The following LGSN variants were observed in gnomAD, a reference collection of about 807,000 sequenced individuals.
The protein encoded by LGSN is lengsin.
Under a neutral mutation model 19.5 loss-of-function variants are expected in LGSN, and 21 were observed. The ratio of observed to expected loss-of-function variants is 1.07; its 90% CI spans 0.76 to 1.55. LGSN has a LOEUF of 1.55. LGSN is among the 40% of genes most tolerant of loss of function. LGSN has a pLI of 0.00. For synonymous variants in LGSN, 257 were observed against 215.6 expected (o/e 1.19, Z -1.68); for missense variants, 673 against 608.5 (o/e 1.11, Z -1.12).
At chr6:63,348,664 T>C in the LGSN span, among the ~76,000 whole-genome samples, 1 of 152,048 alleles carries the variant, frequency 6.6e-6, no homozygotes, top group African/African-American at 2.4e-5. Flanking sequence ...AATCTGTGTT[T>C]GGTAGGAGTC....
At chr6:63,380,408 A>G in the LGSN span, among the ~76,000 whole-genome samples, 1 of 152,238 alleles carries the variant, frequency 6.6e-6, no homozygotes, top group Non-Finnish European at 1.5e-5. Flanking sequence ...GACGCATATC[A>G]CAGGAAAGGA....
chr6:63,280,425 G>A lies in LGSN; in HGVS notation c.1126C>T (p.Leu376=), dbSNP rs753691249. 4.3e-6 allele frequency: 7 copies of A among 1,614,180 alleles called. No homozygotes were observed. In the Admixed American group the frequency reaches 1.2e-4, roughly 27 times the overall value. ...RKRYSKDRKD[L]KKSVPTTWGY... ...CATGTTGTAGGCACACTCTTCTTCA[G>A]GTCTTTCCTGTCCTTGGAATAACGC... The change falls in exon 4 of 4, where the codon CTG becomes TTG. Residue 376 remains leucine (L), a synonymous_variant. Transcript: ENST00000370657.
the LGSN span, among the ~76,000 whole-genome samples, chr6:63,325,704 C>T: frequency 1.8e-4 from 27 of 152,068 alleles, no homozygotes; most frequent in African/African-American, 6.3e-4. Flanking sequence ...GGAGTTTGTT[C>T]CTTCTGATGT....
the LGSN span, among the ~76,000 whole-genome samples, chr6:63,521,357 G>A: frequency 1.3e-5 from 2 of 152,182 alleles, no homozygotes; most frequent in Non-Finnish European, 2.9e-5. Context: ...TTGTTTAAAA[G>A]TCAGACAGAT....
chr6:63,351,407 CTGTG>C, the LGSN span, among the ~76,000 whole-genome samples: 1 of 148,842 alleles, frequency 6.7e-6, no homozygotes, highest in Admixed American at 6.7e-5. Flanking sequence ...CTGTGTGTGT[CTGTG>C]TGTGTGAGAG....
chr6:63,525,218 G>A, the LGSN span, among the ~76,000 whole-genome samples: 1 of 151,894 alleles, frequency 6.6e-6, no homozygotes, highest in Non-Finnish European at 1.5e-5. Context: ...GGTGAATTGT[G>A]TGTCTGCAGT....
chr6:63,373,524 C>A, the LGSN span, among the ~76,000 whole-genome samples: 2 of 152,024 alleles, frequency 1.3e-5, no homozygotes. Flanking sequence ...AATTAAGATA[C>A]GTTTACAAAA....
the LGSN span, among the ~76,000 whole-genome samples, chr6:63,482,846 G>A: frequency 2.3e-4 from 35 of 152,102 alleles, no homozygotes; most frequent in East Asian, 5.3e-3. Context: ...GACTATAGGC[G>A]CGCACCACCA....
chr6:63,510,153 C>T, the LGSN span, among the ~76,000 whole-genome samples: 1 of 152,188 alleles, frequency 6.6e-6, no homozygotes, highest in Non-Finnish European at 1.5e-5. Flanking sequence ...ATTCATTTAA[C>T]ATACTAAAAG....
At chr6:63,282,492 C>G (rs1767359827) in intron 3 of LGSN, among the ~76,000 whole-genome samples, 1 of 152,150 alleles carries the variant, frequency 6.6e-6, no homozygotes, top group African/African-American at 2.4e-5. Flanking sequence ...ATGGCTTCTT[C>G]TTGTGTATCC....
the LGSN span, among the ~76,000 whole-genome samples, chr6:63,439,742 C>T: frequency 1.3e-5 from 2 of 152,132 alleles, no homozygotes; most frequent in South Asian, 2.1e-4. Context: ...CTTTGGAATT[C>T]CCTCTGGTAG....
chr6:63,431,488 A>G, the LGSN span, among the ~76,000 whole-genome samples: 1 of 152,332 alleles, frequency 6.6e-6, no homozygotes, highest in East Asian at 1.9e-4. Context: ...AGCAGTTAAG[A>G]GCATGAGTTT....
chr6:63,469,380 A>C, the LGSN span, among the ~76,000 whole-genome samples: 1 of 152,198 alleles, frequency 6.6e-6, no homozygotes, highest in African/African-American at 2.4e-5. Context: ...CCTTTCTAAA[A>C]GCCAAGTCAG....
chr6:63,357,447 C>G, the LGSN span, among the ~76,000 whole-genome samples: 208 of 145,796 alleles, frequency 1.4e-3, 2 homozygotes, highest in Non-Finnish European at 5.7e-4. Flanking sequence ...ACAGTCCCAC[C>G]AACAGTGTAA....
chr6:63,549,381 C>T, the LGSN span: 1 of 754,194 alleles, frequency 1.3e-6, no homozygotes, highest in East Asian at 2.4e-5. Flanking sequence ...GCTGAATGTC[C>T]TGTCCAATGT....
chr6:63,476,482 G>C, the LGSN span, among the ~76,000 whole-genome samples: 1 of 152,200 alleles, frequency 6.6e-6, no homozygotes. Context: ...GTTGCAGTTA[G>C]ATATTGGCTG....
the LGSN span, among the ~76,000 whole-genome samples, chr6:63,494,707 C>A: frequency 6.6e-6 from 1 of 152,206 alleles, no homozygotes; most frequent in Non-Finnish European, 1.5e-5. Context: ...CACAATCCTC[C>A]CCCATGAACC....
the LGSN span, among the ~76,000 whole-genome samples, chr6:63,391,935 A>G: frequency 2.0e-5 from 3 of 152,186 alleles, no homozygotes; most frequent in Non-Finnish European, 2.9e-5. Context: ...TCTCCAGTAT[A>G]AGTCTTCTTT....
chr6:63,358,457 C>T, the LGSN span, among the ~76,000 whole-genome samples: 1 of 152,136 alleles, frequency 6.6e-6, no homozygotes, highest in African/African-American at 2.4e-5. Flanking sequence ...ATTCTTCCTA[C>T]CCATGAGCAT....
Sources: gnomAD v4.1 joint callset for allele counts (sites outside exome capture counted in the v4.1 genomes callset) on GRCh38, gnomAD v4.1.1 for gene constraint, MANE v1.5 for transcripts, NCBI Gene and HGNC (gene_info 2026-07-23, HGNC 2026-07-21) for gene names.